WWC2: variants seen among roughly 807,000 people sequenced by gnomAD.
WWC2 encodes protein WWC2.
A neutral mutation model predicts 138.5 loss-of-function variants in WWC2; 101 were observed. The observed-to-expected ratio is 0.73, with a 90% confidence interval of 0.62 to 0.86. The LOEUF (loss-of-function observed/expected upper bound fraction) is 0.86, where lower values mean the gene tolerates loss of function less well. WWC2 is among the 40% of genes least tolerant of loss of function. The pLI is 0.00. For missense variants in WWC2, 1,420 were observed against 1,419.4 expected, an observed-to-expected ratio of 1.00 and a Z score of -0.01; for synonymous variants, 558 against 538.4, an observed-to-expected ratio of 1.04 and a Z score of -0.50.
At chr4:183,164,684 A>G (rs1734084798) in intron 1 of WWC2, among the ~76,000 whole-genome samples, 1 of 152,024 alleles carries the variant, frequency 6.6e-6, no homozygotes, top group African/African-American at 2.4e-5. Context: ...GTTTAGGCCC[A>G]CTTGGCTCAC....
chr4:183,252,169 T>C (rs1317677913), intron 8 of WWC2, among the ~76,000 whole-genome samples: 1 of 152,230 alleles, frequency 6.6e-6, no homozygotes, highest in East Asian at 1.9e-4. Context: ...ATGTTTTTCA[T>C]TCACCTTTTC....
In WWC2 at chr4:183,263,527, A is replaced by G. The variant is rs192105863; in HGVS notation, c.1910-1451A>G. Among the ~76,000 whole-genome samples, 4 of 152,362 alleles carry G rather than the reference A, an allele frequency of 2.6e-5. No individual in the cohort carries two copies. In the East Asian group the frequency reaches 7.7e-4, roughly 29 times the overall value. On this transcript the variant is annotated intron_variant, in intron 11 of 22. Transcript: ENST00000403733. ...ATTAGAAAACTGCTGTTAAAAAGTTACCCTAAGAGAAAATACATCCAAGAG... is the reference window on the plus strand; with the variant it reads ...ATTAGAAAACTGCTGTTAAAAAGTTGCCCTAAGAGAAAATACATCCAAGAG...
chr4:183,118,622 TAA>T (rs547045359), intron 1 of WWC2, among the ~76,000 whole-genome samples: 1 of 152,218 alleles, frequency 6.6e-6, no homozygotes, highest in South Asian at 2.1e-4. Context: ...AACAGATTTT[TAA>T]AAAGTCATCA....
intron 1 of WWC2, among the ~76,000 whole-genome samples, chr4:183,125,514 G>A (rs375054191): frequency 6.6e-6 from 1 of 152,160 alleles, no homozygotes; most frequent in Non-Finnish European, 1.5e-5. Flanking sequence ...AGTTGTGTAC[G>A]TGTTCCGTTG....
intron 21 of WWC2, among the ~76,000 whole-genome samples, chr4:183,292,874 T>C (rs376583574): frequency 2.0e-5 from 3 of 151,996 alleles, no homozygotes; most frequent in South Asian, 4.2e-4. Flanking sequence ...GACTAAAAAA[T>C]ATTGGTAAAC....
chr4:183,219,253 A>G (rs1560849388), intron 4 of WWC2, among the ~76,000 whole-genome samples: 1 of 152,214 alleles, frequency 6.6e-6, no homozygotes, highest in Non-Finnish European at 1.5e-5. Flanking sequence ...ATTTCAGGAA[A>G]TGACCAGTGA....
At chr4:183,252,879 C>T (rs967249287) in intron 8 of WWC2, among the ~76,000 whole-genome samples, 2 of 152,022 alleles carry the variant, frequency 1.3e-5, no homozygotes, top group African/African-American at 4.8e-5. Flanking sequence ...TGGATCAACC[C>T]CTGACTCCCT....
intron 4 of WWC2, among the ~76,000 whole-genome samples, chr4:183,226,096 T>C (rs1032459272): frequency 9.4e-6 from 1 of 105,968 alleles, no homozygotes; most frequent in Non-Finnish European, 1.9e-5. Flanking sequence ...TTTTCTTTTC[T>C]TTTTTTTTTT....
In WWC2 at chr4:183,259,711, G is replaced by A; in HGVS notation, c.1269G>A (p.Leu423=). ...LEETTKLTTY[L]HSQLKSLSAS... ...AAACTACTAAATTAACTACTTATTT[G>A]CATTCACAACTTAAAAGGTGAGCTT... Residue 423 remains leucine (L), a synonymous_variant, in exon 10 of 23, where the codon TTG becomes TTA. Transcript: ENST00000403733. 6.5e-7 allele frequency: 1 copy of A among 1,546,392 alleles called. No homozygotes were observed. Among genetic ancestry groups the A allele is most frequent in the Non-Finnish European group, 8.7e-7 (1 of 1,145,146 alleles).
intron 11 of WWC2, among the ~76,000 whole-genome samples, chr4:183,264,332 C>T (rs757479806): frequency 2.0e-5 from 3 of 152,318 alleles, no homozygotes; most frequent in East Asian, 3.9e-4. Flanking sequence ...GTACAGAGCA[C>T]AGCCTTAAAT....
At chr4:183,149,544 C>T (rs547748995) in intron 1 of WWC2, among the ~76,000 whole-genome samples, 95 of 151,892 alleles carry the variant, frequency 6.3e-4, no homozygotes, top group Non-Finnish European at 1.1e-3. Context: ...ATCGCTTGAA[C>T]CTGGGAGGCG....
intron 1 of WWC2, among the ~76,000 whole-genome samples, chr4:183,130,574 C>CT (rs945434737): frequency 2.0e-5 from 3 of 152,150 alleles, no homozygotes; most frequent in Admixed American, 6.6e-5. Flanking sequence ...GACAGCAACT[C>CT]TAAGAGGTAG....
intron 16 of WWC2, among the ~76,000 whole-genome samples, chr4:183,274,309 G>C (rs1436026554): frequency 1.3e-5 from 2 of 152,116 alleles, no homozygotes; most frequent in Non-Finnish European, 2.9e-5. Context: ...AGGTCAGTTT[G>C]GAAGATACTG....
intron 1 of WWC2, among the ~76,000 whole-genome samples, chr4:183,145,846 C>A (rs138930243): frequency 7.2e-4 from 110 of 152,138 alleles, no homozygotes; most frequent in African/African-American, 2.6e-3. Flanking sequence ...CTTCTGTAAC[C>A]CTAGTTTTCC....
intron 21 of WWC2, among the ~76,000 whole-genome samples, chr4:183,308,204 T>A (rs1211135310): frequency 6.6e-6 from 1 of 152,176 alleles, no homozygotes; most frequent in African/African-American, 2.4e-5. Flanking sequence ...TGCATAACTC[T>A]GATGAAAGAA....
intron 4 of WWC2, among the ~76,000 whole-genome samples, chr4:183,226,938 C>T (rs1490981252): frequency 6.6e-6 from 1 of 152,102 alleles, no homozygotes; most frequent in Non-Finnish European, 1.5e-5. Context: ...CTAAAGCTGG[C>T]TTTGCCCTGA....
chr4:183,206,193 T>G (rs1466117541), intron 2 of WWC2, among the ~76,000 whole-genome samples: 1 of 152,174 alleles, frequency 6.6e-6, no homozygotes, highest in East Asian at 1.9e-4. Context: ...CTACCTGTTG[T>G]CCAACATCTG....
At chr4:183,216,162 A>G (rs1405134703) in intron 4 of WWC2, among the ~76,000 whole-genome samples, 1 of 152,210 alleles carries the variant, frequency 6.6e-6, no homozygotes, top group African/African-American at 2.4e-5. Flanking sequence ...TCCTGATGCC[A>G]TGACAGTGAA....
At chr4:183,163,067 G>A (rs1377949626) in intron 1 of WWC2, among the ~76,000 whole-genome samples, 2 of 152,188 alleles carry the variant, frequency 1.3e-5, no homozygotes, top group Non-Finnish European at 1.5e-5. Flanking sequence ...GACAAAAAGA[G>A]GGTAGAGCAA....
Sources: allele counts gnomAD v4.1 joint callset (sites outside exome capture counted in the v4.1 genomes callset), GRCh38; gene constraint gnomAD v4.1.1; transcripts MANE v1.5; gene names NCBI Gene and HGNC (gene_info 2026-07-23, HGNC 2026-07-21).